Variants in EFCAB3 observed in about 807,000 individuals in gnomAD.
EFCAB3 encodes EF-hand calcium binding domain 3, also known as EF-hand calcium-binding domain-containing protein 3.
A neutral mutation model predicts 42.2 loss-of-function variants in EFCAB3; 36 were observed. The observed-to-expected ratio is 0.85, with a 90% confidence interval of 0.65 to 1.13. EFCAB3 has a LOEUF of 1.13. Among genes scored for constraint, EFCAB3 ranks in the 50% most tolerant of loss-of-function variants. The probability of loss-of-function intolerance (pLI) is 0.00; values close to 1 mark genes in which losing one functional copy is unlikely to be tolerated. For synonymous variants in EFCAB3, 170 were observed against 172.8 expected (o/e 0.98, Z 0.13); for missense variants, 418 against 505.1 (o/e 0.83, Z 1.65).
rs1245665508 is a variant in EFCAB3 at position 62,416,206 on chromosome 17, T to G, written c.1194T>G (p.Asp398Glu). Reference protein sequence around the residue: ...LLSPKDLRLYDAYVNRNSSHN... With the variant: ...LLSPKDLRLYEAYVNRNSSHN... ...CTCCTAAGGACTTAAGGTTATATGA[T>G]GCCTATGTGAATAGAAATTCCTCCC... Residue 398 changes from aspartate (D) to glutamate (E), a missense_variant, in exon 10 of 10, where the codon GAT becomes GAG. Physicochemically the swap from Asp to Glu is conservative, Grantham distance 45. Coordinates refer to ENST00000305286, the MANE Select transcript of EFCAB3 (RefSeq NM_173503.4). 2 of 1,613,900 alleles carry G rather than the reference T, an allele frequency of 1.2e-6. No individual in the cohort carries two copies. Among genetic ancestry groups the G allele is most frequent in the Admixed American group, 3.3e-5 (2 of 60,014 alleles).
chr17:62,415,764 A>C (rs931944289), intron 9 of EFCAB3, among the ~76,000 whole-genome samples: 2 of 152,110 alleles, frequency 1.3e-5, no homozygotes, highest in African/African-American at 4.8e-5. Context: ...AGTCTATTTT[A>C]GTCCATTGTA....
chr17:62,404,622 C>G (rs1174043287), intron 6 of EFCAB3, among the ~76,000 whole-genome samples: 1 of 152,022 alleles, frequency 6.6e-6, no homozygotes, highest in Non-Finnish European at 1.5e-5. Context: ...CATGGAGAAA[C>G]CCCGTCTCTA....
chr17:62,392,116 A>G (rs572301926), intron 4 of EFCAB3, 151 bp downstream of exon 4: 2 of 377,526 alleles, frequency 5.3e-6, no homozygotes, highest in East Asian at 6.1e-5. Flanking sequence ...ATATTTGTAT[A>G]TGTTAAATAT....
chr17:62,393,651 A>G lies in EFCAB3; in HGVS notation c.367+7A>G. The G allele has an allele frequency of 6.2e-7, 1 of 1,613,500 alleles. No homozygotes were observed. Among genetic ancestry groups the G allele is most frequent in the Non-Finnish European group, 8.5e-7 (1 of 1,179,452 alleles). On this transcript the variant is annotated splice_region_variant and intron_variant, in intron 5 of 9. Transcript: ENST00000305286. ...CTCTTCCTCAAGGCAGTGGGTGAGT[A>G]GAGATGTTATGAACAGAAGGCAGTT...
At chr17:62,386,905 C>T (rs2070256421) in intron 2 of EFCAB3, among the ~76,000 whole-genome samples, 1 of 152,166 alleles carries the variant, frequency 6.6e-6, no homozygotes, top group Admixed American at 6.5e-5. Context: ...CCTCCCACCT[C>T]AGCCTCCTGA....
At chr17:62,373,805 G>A in intron 1 of EFCAB3, 3 of 1,501,824 alleles carry the variant, frequency 2.0e-6, no homozygotes, top group African/African-American at 1.4e-5. Context: ...AAACCAAAAT[G>A]TTTTACAGGA....
At chr17:62,375,021 G>A (rs532590182) in intron 2 of EFCAB3, among the ~76,000 whole-genome samples, 2 of 152,156 alleles carry the variant, frequency 1.3e-5, no homozygotes, top group Non-Finnish European at 2.9e-5. Flanking sequence ...AGCTGAGGTC[G>A]GAGAATTGCT....
Position 62,392,010 on chromosome 17 carries a change from G to C in EFCAB3, c.295+45G>C, listed in dbSNP as rs1210199333. ...ATTGTTTTTCTCATAAAAGATTTTT[G>C]TGAATATATAGTTTTCTTTTAATGA... On this transcript the variant is annotated intron_variant, in intron 4 of 9. Transcript: ENST00000305286. The C allele has an allele frequency of 2.6e-6, 4 of 1,560,028 alleles. No homozygotes were observed. In the African/African-American group the frequency reaches 5.4e-5, roughly 21 times the overall value.
intron 6 of EFCAB3, among the ~76,000 whole-genome samples, chr17:62,399,102 G>A (rs2070379171): frequency 6.6e-6 from 1 of 151,966 alleles, no homozygotes; most frequent in South Asian, 2.1e-4. Flanking sequence ...AGCACCAAAT[G>A]AGTCTTCCAA....
At chr17:62,405,363 C>T (rs768375382) in intron 6 of EFCAB3, among the ~76,000 whole-genome samples, 12 of 152,178 alleles carry the variant, frequency 7.9e-5, no homozygotes, top group Non-Finnish European at 1.5e-4. Context: ...TTTCCCTCTT[C>T]CTGAGAGGAA....
intron 3 of EFCAB3, among the ~76,000 whole-genome samples, chr17:62,391,528 T>G (rs2070302154): frequency 6.6e-6 from 1 of 152,124 alleles, no homozygotes; most frequent in Non-Finnish European, 1.5e-5. Flanking sequence ...ATGTGCAAAG[T>G]CCCTTTTGCC....
chr17:62,384,060 A>G (rs1319169292), intron 2 of EFCAB3, among the ~76,000 whole-genome samples: 1 of 152,156 alleles, frequency 6.6e-6, no homozygotes, highest in Non-Finnish European at 1.5e-5. Context: ...TTATCCATTT[A>G]CTTTCTATTT....
intron 4 of EFCAB3, among the ~76,000 whole-genome samples, chr17:62,392,839 G>A (rs151011875): frequency 2.6e-3 from 397 of 151,974 alleles, no homozygotes; most frequent in Non-Finnish European, 4.8e-3. Context: ...GGGTTTCACC[G>A]TGTTAGCCAG....
intron 3 of EFCAB3, among the ~76,000 whole-genome samples, chr17:62,388,891 T>C (rs2070278967): frequency 6.6e-6 from 1 of 152,256 alleles, no homozygotes; most frequent in Admixed American, 6.5e-5. Context: ...TTAAGGTTTC[T>C]AAAGTGCCTT....
intron 8 of EFCAB3, among the ~76,000 whole-genome samples, chr17:62,412,509 G>A (rs1490815061): frequency 1.3e-5 from 2 of 152,118 alleles, no homozygotes; most frequent in East Asian, 3.9e-4. Flanking sequence ...TTGTCACCCA[G>A]GCTGGAGTGC....
At chr17:62,371,442 C>T (rs2070114179) in intron 1 of EFCAB3, among the ~76,000 whole-genome samples, 1 of 151,676 alleles carries the variant, frequency 6.6e-6, no homozygotes, top group African/African-American at 2.4e-5. Context: ...TCTGTAATCC[C>T]AGGTACTCAG....
In EFCAB3 at chr17:62,407,200, C is replaced by T. The variant is rs1291780328; in HGVS notation, c.855C>T (p.Asp285=). The T allele has an allele frequency of 6.3e-7, 1 of 1,582,168 alleles. No individual in the cohort carries two copies. The highest frequency in any genetic ancestry group is 8.6e-7 in the Non-Finnish European group (1 of 1,168,968). ...FFEDYFFHKR[D]WKTQAANIKS... ...AGGATTATTTTTTCCATAAAAGAGACTGGAAAACACAGGTGAGATTTAGAT... is the reference window on the plus strand; with the variant it reads ...AGGATTATTTTTTCCATAAAAGAGATTGGAAAACACAGGTGAGATTTAGAT... The change falls in exon 8 of 10, where the codon GAC becomes GAT. Residue 285 remains aspartate, a synonymous_variant. Transcript: ENST00000305286.
Position 62,416,117 on chromosome 17 carries a change from G to T in EFCAB3, c.1105G>T (p.Glu369Ter), listed in dbSNP as rs2070545848. Residue 369 changes from glutamate (E) to a stop codon, truncating the protein, a stop_gained, in exon 10 of 10, where the codon GAG (glutamate) becomes TAG (stop). Transcript: ENST00000305286. LOFTEE classifies it high-confidence loss of function. The stretch of plus-strand genomic sequence containing the variant: ...TTTGATTGGGATGGACTCTAGAAAT[G>T]AGTCCTTTTATGACACCTTTTCTAC... ...GDLIGMDSRN[E>*]SFYDTFSTYT... is the part of the protein sequence containing the mutation. The T allele has an allele frequency of 1.2e-6, 2 of 1,614,006 alleles. No homozygotes were observed. The highest frequency in any genetic ancestry group is 4.5e-5 in the East Asian group (2 of 44,880).
chr17:62,377,637 T>C (rs973993200), upstream of EFCAB3, among the ~76,000 whole-genome samples: 4 of 152,196 alleles, frequency 2.6e-5, no homozygotes, highest in Admixed American at 1.3e-4. Flanking sequence ...AAACAAAGCA[T>C]TCATGAAAAT....
Sources: gnomAD v4.1 joint callset for allele counts (sites outside exome capture counted in the v4.1 genomes callset) on GRCh38, gnomAD v4.1.1 for gene constraint, MANE v1.5 for transcripts, NCBI Gene and HGNC (gene_info 2026-07-23, HGNC 2026-07-21) for gene names.